The following NLGN1 variants were observed in gnomAD, a reference collection of about 807,000 sequenced individuals.
NLGN1 encodes neuroligin-1.
In NLGN1, 12 loss-of-function variants were observed where a neutral mutation model predicts 65.5. That is an observed-to-expected ratio of 0.18 (90% CI 0.12 to 0.30). The LOEUF (loss-of-function observed/expected upper bound fraction) is 0.30, where lower values mean the gene tolerates loss of function less well. Ranked by LOEUF, NLGN1 falls within the 10% of genes least tolerant of loss-of-function variation. The pLI is 1.00. For missense variants in NLGN1, 750 were observed against 1,007.1 expected (o/e 0.74, Z 3.46); for synonymous variants, 350 against 359.5 (o/e 0.97, Z 0.30).
At chr3:174,283,888 C>T (rs1184156803) in exon 7 of NLGN1, 1 of 151,292 alleles carries the variant, frequency 6.6e-6, no homozygotes, top group Non-Finnish European at 1.5e-5. Context: ...ATTAATTAAA[C>T]AAAACACAAG....
At chr3:173,579,300 CT>C (rs1746018026) in intron 2 of NLGN1, among the ~76,000 whole-genome samples, 1 of 152,152 alleles carries the variant, frequency 6.6e-6, no homozygotes, top group Non-Finnish European at 1.5e-5. Context: ...ATAGTGAATC[CT>C]TGTCTCTAGA....
intron 4 of NLGN1, among the ~76,000 whole-genome samples, chr3:174,065,447 A>G (rs976307583): frequency 1.3e-5 from 2 of 150,092 alleles, no homozygotes; most frequent in South Asian, 2.1e-4. Context: ...CTCAAAACAC[A>G]TAACCAAACC....
intron 4 of NLGN1, among the ~76,000 whole-genome samples, chr3:173,834,294 G>A (rs766373103): frequency 9.2e-5 from 14 of 151,986 alleles, no homozygotes; most frequent in Non-Finnish European, 1.6e-4. Flanking sequence ...GGTGGGCATG[G>A]CTAAACTCTG....
intron 2 of NLGN1, among the ~76,000 whole-genome samples, chr3:173,440,360 A>G (rs962101355): frequency 5.9e-5 from 9 of 152,122 alleles, no homozygotes; most frequent in African/African-American, 1.9e-4. Flanking sequence ...CCTGTGAATC[A>G]CAAATGTTCT....
At chr3:174,129,114 G>A (rs955909661) in intron 4 of NLGN1, among the ~76,000 whole-genome samples, 4 of 152,040 alleles carry the variant, frequency 2.6e-5, no homozygotes, top group South Asian at 2.1e-4. Flanking sequence ...GATAAGTAGC[G>A]TATAAAAGCC....
At chr3:173,954,304 G>A (rs1748766514) in intron 4 of NLGN1, among the ~76,000 whole-genome samples, 1 of 152,056 alleles carries the variant, frequency 6.6e-6, no homozygotes, top group African/African-American at 2.4e-5. Flanking sequence ...AAGCACAGAT[G>A]TAATCATCTA....
intron 2 of NLGN1, among the ~76,000 whole-genome samples, chr3:173,449,402 G>A (rs540875921): frequency 0.023 from 3,531 of 152,082 alleles, 143 homozygotes; most frequent in African/African-American, 0.078. Flanking sequence ...CTGAGTTCTA[G>A]TTTGATTGCA....
chr3:173,545,201 A>G (rs1739584377), intron 2 of NLGN1, among the ~76,000 whole-genome samples: 1 of 152,098 alleles, frequency 6.6e-6, no homozygotes, highest in Non-Finnish European at 1.5e-5. Flanking sequence ...CAACCTCCCA[A>G]GTAGCTGGGA....
intron 4 of NLGN1, among the ~76,000 whole-genome samples, chr3:174,054,511 T>G (rs1262539687): frequency 6.6e-6 from 1 of 152,012 alleles, no homozygotes; most frequent in Non-Finnish European, 1.5e-5. Flanking sequence ...ATTCTCTATT[T>G]TAGTTTCTTT....
intron 4 of NLGN1, among the ~76,000 whole-genome samples, chr3:173,908,324 T>G (rs2152211812): frequency 6.6e-6 from 1 of 152,272 alleles, no homozygotes; most frequent in South Asian, 2.1e-4. Flanking sequence ...CCTCAAATTC[T>G]TAGTGATGGA....
At chr3:173,604,671 T>C (rs774293838) in exon 3 of NLGN1, 14 of 1,613,696 alleles carry the variant, frequency 8.7e-6, no homozygotes, top group Admixed American at 1.7e-5. Context: ...ACACCGGGGA[T>C]TGGGTGCCCC....
At chr3:173,684,216 T>A (rs1278707117) in intron 3 of NLGN1, among the ~76,000 whole-genome samples, 5 of 152,186 alleles carry the variant, frequency 3.3e-5, no homozygotes, top group Admixed American at 6.6e-5. Flanking sequence ...TAAGTTTTTT[T>A]AAATAGAACC....
intron 4 of NLGN1, among the ~76,000 whole-genome samples, chr3:174,010,151 CA>C (rs895250426): frequency 8.6e-5 from 13 of 151,732 alleles, no homozygotes; most frequent in African/African-American, 2.4e-4. Flanking sequence ...AACAATTATT[CA>C]AAAAAAATGT....
chr3:173,880,853 A>G (rs1191561258), intron 4 of NLGN1, among the ~76,000 whole-genome samples: 1 of 152,116 alleles, frequency 6.6e-6, no homozygotes, highest in African/African-American at 2.4e-5. Flanking sequence ...CATTTTACTC[A>G]CCGTAGAACT....
At chr3:173,660,025 T>A (rs973500468) in intron 3 of NLGN1, among the ~76,000 whole-genome samples, 3 of 151,944 alleles carry the variant, frequency 2.0e-5, no homozygotes, top group African/African-American at 7.2e-5. Flanking sequence ...TATACTTTGT[T>A]GATTTGTATA....
At chr3:173,954,115 CT>C (rs1228340495) in intron 4 of NLGN1, among the ~76,000 whole-genome samples, 1 of 151,728 alleles carries the variant, frequency 6.6e-6, no homozygotes, top group Non-Finnish European at 1.5e-5. Flanking sequence ...TATCATCAGT[CT>C]ACTGTAACTT....
chr3:173,672,764 C>G (rs1286483359), intron 3 of NLGN1, among the ~76,000 whole-genome samples: 1 of 152,166 alleles, frequency 6.6e-6, no homozygotes, highest in Non-Finnish European at 1.5e-5. Context: ...TAATTTTATT[C>G]TCAAGTTGAA....
At chr3:173,574,946 A>C (rs1474134403) in intron 2 of NLGN1, among the ~76,000 whole-genome samples, 2 of 152,208 alleles carry the variant, frequency 1.3e-5, no homozygotes, top group Non-Finnish European at 2.9e-5. Context: ...GTGCAGTGGC[A>C]CAATCATGGC....
At chr3:174,162,134 G>C (rs1354476787) in intron 4 of NLGN1, among the ~76,000 whole-genome samples, 2 of 151,764 alleles carry the variant, frequency 1.3e-5, no homozygotes, top group Non-Finnish European at 1.5e-5. Flanking sequence ...TGACCCCCCA[G>C]AATTCTGTAC....
Sources: allele counts gnomAD v4.1 joint callset (sites outside exome capture counted in the v4.1 genomes callset), GRCh38; gene constraint gnomAD v4.1.1; transcripts MANE v1.5; gene names NCBI Gene and HGNC (gene_info 2026-07-23, HGNC 2026-07-21).